CCDC178: variants seen among roughly 807,000 people sequenced by gnomAD.
CCDC178 encodes the protein coiled-coil domain containing 178.
CCDC178 carries 126 observed loss-of-function variants against 117.4 expected under a neutral mutation model. The ratio of observed to expected loss-of-function variants is 1.07; its 90% CI spans 0.93 to 1.24. CCDC178 has a LOEUF of 1.24. CCDC178 is among the 50% of genes most tolerant of loss of function. The pLI, the probability that CCDC178 is intolerant of heterozygous loss-of-function variation, is 0.00. For missense variants in CCDC178, 1,030 were observed against 986.9 expected (o/e 1.04, Z -0.59); for synonymous variants, 283 against 313.4 (o/e 0.90, Z 1.02).
At chr18:33,004,237 C>T (rs2055704748) in intron 21 of CCDC178, among the ~76,000 whole-genome samples, 1 of 151,974 alleles carries the variant, frequency 6.6e-6, no homozygotes, top group Non-Finnish European at 1.5e-5. Flanking sequence ...GCAAAAAGAA[C>T]AAAACTGGAG....
intron 20 of CCDC178, among the ~76,000 whole-genome samples, chr18:33,164,357 G>A (rs1328840385): frequency 7.3e-5 from 11 of 151,718 alleles, no homozygotes; most frequent in Non-Finnish European, 1.5e-5. Context: ...CAGGTGATCC[G>A]CCAACCTCGG....
intron 21 of CCDC178, among the ~76,000 whole-genome samples, chr18:32,977,904 A>T (rs2055061463): frequency 6.6e-6 from 1 of 152,204 alleles, no homozygotes; most frequent in Non-Finnish European, 1.5e-5. Context: ...AAATATGATA[A>T]AAAGCAAGTA....
chr18:33,249,499 T>C (rs1229483518), intron 14 of CCDC178, among the ~76,000 whole-genome samples: 1 of 152,158 alleles, frequency 6.6e-6, no homozygotes, highest in Non-Finnish European at 1.5e-5. Flanking sequence ...TAGCTAGTTT[T>C]CCCAGCACCA....
intron 21 of CCDC178, among the ~76,000 whole-genome samples, chr18:33,049,758 C>A (rs2056711206): frequency 6.6e-6 from 1 of 152,106 alleles, no homozygotes; most frequent in Admixed American, 6.6e-5. Flanking sequence ...TCACCCTCAA[C>A]AGAATTGTTT....
intron 22 of CCDC178, among the ~76,000 whole-genome samples, chr18:32,940,607 A>G (rs936434119): frequency 2.0e-5 from 3 of 151,900 alleles, no homozygotes; most frequent in Non-Finnish European, 4.4e-5. Flanking sequence ...TGTTGTACAG[A>G]TTATTTAGTT....
chr18:33,232,590 T>C (rs2059380290), intron 15 of CCDC178, among the ~76,000 whole-genome samples: 1 of 152,156 alleles, frequency 6.6e-6, no homozygotes, highest in Non-Finnish European at 1.5e-5. Flanking sequence ...AGGAAACATT[T>C]TGGTGGCCAG....
rs530149443 is a variant in CCDC178 at position 32,944,937 on chromosome 18, C to T, written c.2524-6846G>A. Among the ~76,000 whole-genome samples the T allele has an allele frequency of 2.6e-5, 4 of 152,310 alleles. 1 individual carries two copies. In the South Asian group the frequency reaches 8.3e-4, roughly 32 times the overall value. On this transcript the variant is annotated intron_variant, in intron 22 of 22. Coordinates refer to ENST00000383096, the MANE Select transcript of CCDC178 (RefSeq NM_001105528.4). ...TTCTGCCGTGACTGTGAGGCCTCCC[C>T]AGCCACGTGCAACTGTGAGTTCATT...
intron 2 of CCDC178, chr18:33,437,504 T>C (rs889375515): frequency 3.9e-5 from 6 of 152,206 alleles, no homozygotes; most frequent in Admixed American, 6.5e-5. Flanking sequence ...TAAGGGTAGG[T>C]TGAATCCCTT....
chr18:33,031,337 C>T (rs1209439259), intron 21 of CCDC178, among the ~76,000 whole-genome samples: 1 of 151,342 alleles, frequency 6.6e-6, no homozygotes, highest in African/African-American at 2.4e-5. Flanking sequence ...GCCTTAAACT[C>T]CTGGCCTCAA....
chr18:32,975,518 A>G (rs1598746498), intron 21 of CCDC178, among the ~76,000 whole-genome samples: 1 of 152,336 alleles, frequency 6.6e-6, no homozygotes, highest in East Asian at 1.9e-4. Context: ...AATTATTATA[A>G]TAAGGCATTT....
At chr18:33,149,400 C>T (rs2058313996) in intron 20 of CCDC178, among the ~76,000 whole-genome samples, 1 of 152,128 alleles carries the variant, frequency 6.6e-6, no homozygotes, top group African/African-American at 2.4e-5. Context: ...GAATGTGGAG[C>T]TATGTGAACA....
At chr18:33,310,856 C>T (rs575360782) in intron 11 of CCDC178, among the ~76,000 whole-genome samples, 18 of 152,154 alleles carry the variant, frequency 1.2e-4, no homozygotes, top group Non-Finnish European at 1.9e-4. Context: ...GCAGGCAACA[C>T]TTTCCCTGCC....
chr18:33,012,353 C>T lies in CCDC178; in HGVS notation c.2389-37672G>A, dbSNP rs142705192. On this transcript the variant is annotated intron_variant, in intron 21 of 22. Transcript: ENST00000383096. Reference sequence around the variant, plus strand: ...TATCAGGCTTTATGAATATCAATCACCAGGATAAAGTAAGAATTATTGTAG... The same window carrying T: ...TATCAGGCTTTATGAATATCAATCATCAGGATAAAGTAAGAATTATTGTAG... Among the ~76,000 whole-genome samples, 1,187 of 152,086 alleles carry T rather than the reference C, an allele frequency of 7.8e-3. 15 individuals carry two copies. The highest frequency in any genetic ancestry group is 0.026 in the African/African-American group (1,069 of 41,494).
chr18:33,030,128 T>G (rs1435204521), intron 21 of CCDC178, among the ~76,000 whole-genome samples: 5 of 152,096 alleles, frequency 3.3e-5, no homozygotes, highest in African/African-American at 1.2e-4. Flanking sequence ...CTGTCAGTTT[T>G]GCTAAATTTA....
chr18:33,311,926 A>T (rs2062349298), intron 11 of CCDC178, among the ~76,000 whole-genome samples: 1 of 152,148 alleles, frequency 6.6e-6, no homozygotes, highest in Non-Finnish European at 1.5e-5. Context: ...AAAAGACAGC[A>T]CCTTTATTGA....
chr18:32,943,168 C>A (rs761561367), intron 22 of CCDC178, among the ~76,000 whole-genome samples: 2 of 152,084 alleles, frequency 1.3e-5, no homozygotes, highest in South Asian at 4.1e-4. Context: ...ATAATCACAT[C>A]TTTGACAACA....
Position 33,348,889 on chromosome 18 carries a change from C to T in CCDC178, c.457+1G>A. 1 of 1,599,372 alleles carries T rather than the reference C, an allele frequency of 6.3e-7. No individual in the cohort carries two copies. Among genetic ancestry groups the T allele is most frequent in the Non-Finnish European group, 8.6e-7 (1 of 1,168,270 alleles). On this transcript the variant is annotated splice_donor_variant, in intron 8 of 22. Coordinates refer to ENST00000383096, the MANE Select transcript of CCDC178 (RefSeq NM_001105528.4). LOFTEE classifies it high-confidence loss of function. ...TATTCAAGTAGGAGGAACAACTTTACCTCTCTTTTCTCCTGGTTTGACCTC... is the reference window on the plus strand; with the variant it reads ...TATTCAAGTAGGAGGAACAACTTTATCTCTCTTTTCTCCTGGTTTGACCTC...
At chr18:33,401,056 A>G (rs1460100589) in intron 3 of CCDC178, among the ~76,000 whole-genome samples, 1 of 152,136 alleles carries the variant, frequency 6.6e-6, no homozygotes, top group Non-Finnish European at 1.5e-5. Context: ...CAGACAGTGG[A>G]ACAGTAAGAA....
At chr18:33,294,957 T>C (rs2062088489) in intron 11 of CCDC178, among the ~76,000 whole-genome samples, 1 of 152,196 alleles carries the variant, frequency 6.6e-6, no homozygotes, top group East Asian at 1.9e-4. Flanking sequence ...CAGTTTATAC[T>C]ATGCTTGTCT....
Sources: gnomAD v4.1 joint callset for allele counts (sites outside exome capture counted in the v4.1 genomes callset) on GRCh38, gnomAD v4.1.1 for gene constraint, MANE v1.5 for transcripts, NCBI Gene and HGNC (gene_info 2026-07-23, HGNC 2026-07-21) for gene names.